Variants in RGPD2 observed in about 807,000 individuals in gnomAD.
RGPD2 encodes the protein RANBP2 like and GRIP domain containing 2, also known as RANBP2-like and GRIP domain-containing protein 2.
RGPD2 carries 2 observed loss-of-function variants against 36.0 expected under a neutral mutation model. That is an observed-to-expected ratio of 0.06 (90% confidence interval 0.02 to 0.17). The LOEUF (loss-of-function observed/expected upper bound fraction) is 0.17. Among genes scored for constraint, RGPD2 ranks in the 10% least tolerant of loss-of-function variants. The pLI, the probability that RGPD2 is intolerant of heterozygous loss-of-function variation, is 1.00. For missense variants in RGPD2, 40 were observed against 464.3 expected (o/e 0.09, Z 8.40); for synonymous variants, 19 against 163.8 (o/e 0.12, Z 6.75).
the RGPD2 span, among the ~76,000 whole-genome samples, chr2:87,943,941 T>A: frequency 1.1e-3 from 166 of 152,206 alleles, no homozygotes; most frequent in African/African-American, 3.8e-3. Flanking sequence ...TGGATTTATT[T>A]CTGGGTTCTC....
chr2:87,923,290 T>C, the RGPD2 span, among the ~76,000 whole-genome samples: 1 of 152,168 alleles, frequency 6.6e-6, no homozygotes, highest in Non-Finnish European at 1.5e-5. Flanking sequence ...GTGCTTTTTC[T>C]TTCATGAAAG....
the RGPD2 span, among the ~76,000 whole-genome samples, chr2:87,933,751 G>A: frequency 6.7e-6 from 1 of 148,968 alleles, no homozygotes; most frequent in South Asian, 2.1e-4. Context: ...TTCTTGTAGT[G>A]TGTTTTTCAG....
At chr2:87,857,990 A>G in the RGPD2 span, among the ~76,000 whole-genome samples, 2 of 152,274 alleles carry the variant, frequency 1.3e-5, no homozygotes, top group Non-Finnish European at 2.9e-5. Context: ...CCATTTTGAC[A>G]TACTAAAATA....
chr2:87,872,921 A>G, the RGPD2 span, among the ~76,000 whole-genome samples: 1 of 152,220 alleles, frequency 6.6e-6, no homozygotes. Flanking sequence ...CACCCTGCCC[A>G]GCTAATTTTT....
the RGPD2 span, among the ~76,000 whole-genome samples, chr2:87,831,373 G>A: frequency 2.0e-5 from 3 of 151,558 alleles, no homozygotes; most frequent in African/African-American, 7.3e-5. Flanking sequence ...AGAGAAGAGA[G>A]AGAAAATAGA....
the RGPD2 span, among the ~76,000 whole-genome samples, chr2:87,983,953 T>C: frequency 6.6e-6 from 1 of 152,176 alleles, no homozygotes; most frequent in Non-Finnish European, 1.5e-5. Flanking sequence ...GCCTATGGCC[T>C]TTACTCTGAG....
chr2:87,828,369 C>CT (rs1337595430), upstream of RGPD2, among the ~76,000 whole-genome samples: 4 of 98,630 alleles, frequency 4.1e-5, no homozygotes, highest in East Asian at 1.1e-3. Context: ...ACTTTCTGTG[C>CT]TTGTCTAAAT....
chr2:87,824,825 G>GGCCGCCGCC (rs1218425688), intron 1 of RGPD2: 1 of 93,174 alleles, frequency 1.1e-5, no homozygotes, highest in African/African-American at 4.8e-5. Context: ...GCCAGGCCGA[G>GGCCGCCGCC]GCCGCCGCCG....
the RGPD2 span, among the ~76,000 whole-genome samples, chr2:87,914,109 G>C: frequency 2.0e-5 from 3 of 150,504 alleles, no homozygotes; most frequent in African/African-American, 7.4e-5. Flanking sequence ...CTTATACAAG[G>C]AGTCAGAAGA....
chr2:87,912,043 T>C, the RGPD2 span, among the ~76,000 whole-genome samples: 2 of 152,128 alleles, frequency 1.3e-5, no homozygotes, highest in South Asian at 4.1e-4. Flanking sequence ...ATGTCTTCCA[T>C]CTCGAAGATA....
chr2:87,781,395 C>T (rs1453733579), intron 20 of RGPD2, among the ~76,000 whole-genome samples: 3 of 124,382 alleles, frequency 2.4e-5, no homozygotes, highest in Non-Finnish European at 5.0e-5. Context: ...TCATTTAATA[C>T]ATGAGCAAGA....
intron 8 of RGPD2, among the ~76,000 whole-genome samples, chr2:87,798,697 T>C (rs1462187447): frequency 1.0e-5 from 1 of 100,450 alleles, no homozygotes; most frequent in Non-Finnish European, 2.2e-5. Flanking sequence ...CTACTAAAAA[T>C]ACAAAAAAAA....
chr2:87,882,218 A>T, the RGPD2 span, among the ~76,000 whole-genome samples: 1 of 151,958 alleles, frequency 6.6e-6, no homozygotes, highest in Non-Finnish European at 1.5e-5. Context: ...TTACTCTAGT[A>T]ATTTTATTAT....
chr2:87,824,774 CAG>C (rs1686583143), intron 1 of RGPD2, among the ~76,000 whole-genome samples: 9 of 57,152 alleles, frequency 1.6e-4, no homozygotes, highest in Admixed American at 7.9e-4. Context: ...GCCGCCCGGC[CAG>C]GCCGAGGCCG....
chr2:87,943,307 G>A, the RGPD2 span, among the ~76,000 whole-genome samples: 2 of 142,682 alleles, frequency 1.4e-5, no homozygotes, highest in Non-Finnish European at 1.5e-5. Flanking sequence ...TAACTGGGAC[G>A]AGATGATATC....
the RGPD2 span, among the ~76,000 whole-genome samples, chr2:87,957,239 G>T: frequency 7.0e-6 from 1 of 142,796 alleles, no homozygotes; most frequent in African/African-American, 2.6e-5. Flanking sequence ...AGGTCACTGG[G>T]GGGGGGCTCT....
the RGPD2 span, among the ~76,000 whole-genome samples, chr2:87,980,148 C>T: frequency 9.3e-5 from 14 of 150,532 alleles, no homozygotes; most frequent in South Asian, 2.1e-4. Context: ...GTCAGGAGTT[C>T]GAGACCAGCC....
the RGPD2 span, among the ~76,000 whole-genome samples, chr2:87,915,222 CCT>C: frequency 6.7e-6 from 1 of 148,780 alleles, no homozygotes; most frequent in Admixed American, 6.7e-5. Context: ...TTATTTTTGC[CCT>C]GATATATTTT....
chr2:87,825,052 C>A, intron 1 of RGPD2: 1 of 390,470 alleles, frequency 2.6e-6, no homozygotes, highest in South Asian at 1.3e-4. Context: ...ATCTACCCCC[C>A]TCACCAAAGC....
Sources: gnomAD v4.1 joint callset for allele counts (sites outside exome capture counted in the v4.1 genomes callset) on GRCh38, gnomAD v4.1.1 for gene constraint, MANE v1.5 for transcripts, NCBI Gene and HGNC (gene_info 2026-07-23, HGNC 2026-07-21) for gene names.